Variants in TRAK1 observed in about 807,000 individuals in gnomAD.
TRAK1 encodes trafficking kinesin protein 1.
A neutral mutation model predicts 92.1 loss-of-function variants in TRAK1; 33 were observed. The ratio of observed to expected loss-of-function variants is 0.36; its 90% confidence interval spans 0.27 to 0.48. The LOEUF is 0.48. Ranked by LOEUF, TRAK1 falls within the 20% of genes least tolerant of loss-of-function variation. The pLI is 0.99. For synonymous variants in TRAK1, 521 were observed against 517.3 expected (o/e 1.01, Z -0.10); for missense variants, 1,123 against 1,257.9 (o/e 0.89, Z 1.62).
At chr3:42,039,740 T>G (rs1003965377) in intron 1 of TRAK1, among the ~76,000 whole-genome samples, 5 of 152,242 alleles carry the variant, frequency 3.3e-5, no homozygotes, top group African/African-American at 9.6e-5. Flanking sequence ...TATAACATGT[T>G]TTCATTTTGC....
chr3:42,177,777 C>G (rs1199768657), intron 3 of TRAK1, among the ~76,000 whole-genome samples: 1 of 152,170 alleles, frequency 6.6e-6, no homozygotes, highest in Non-Finnish European at 1.5e-5. Flanking sequence ...TTGTGTGTCT[C>G]TCTTCCCATG....
intron 1 of TRAK1, among the ~76,000 whole-genome samples, chr3:42,093,674 C>T (rs111794582): frequency 0.31 from 3,065 of 9,974 alleles, 100 homozygotes; most frequent in Middle Eastern, 0.42. Context: ...TCCCTCCCCT[C>T]CCCTCCCCTC....
At chr3:42,190,454 A>G (rs1218730914) in intron 6 of TRAK1, among the ~76,000 whole-genome samples, 1 of 152,144 alleles carries the variant, frequency 6.6e-6, no homozygotes, top group East Asian at 1.9e-4. Context: ...GTAAACCCAG[A>G]TTGACCAAGA....
chr3:42,174,493 T>C (rs1179153194), intron 2 of TRAK1, among the ~76,000 whole-genome samples: 1 of 151,784 alleles, frequency 6.6e-6, no homozygotes, highest in Non-Finnish European at 1.5e-5. Context: ...GATCCCTCTG[T>C]ATTATTTCTT....
rs573670073 is a variant in TRAK1 at position 42,202,966 on chromosome 3, A to C, written c.1744+214A>C. On this transcript the variant is annotated intron_variant, in intron 13 of 15. Transcript: ENST00000327628. This position sits in a 1 kb window ranked among gnomAD's most constrained non-coding sequence, Gnocchi z 6.1. ...CTGGCAGGTGTGACAATGCACACAT[A>C]GGCCATGAAACTCGCCGAGGAAAGA... 1 of 1,353,172 alleles carries C rather than the reference A, an allele frequency of 7.4e-7. No individual in the cohort carries two copies. Among genetic ancestry groups the C allele is most frequent in the South Asian group, 2.0e-5 (1 of 48,924 alleles). 83.8% of individuals were successfully genotyped at this position (1,353,172 alleles called of 1,614,324 possible).
In TRAK1 at chr3:42,200,976, A is replaced by G. The variant is rs753235494; in HGVS notation, c.1349A>G (p.Tyr450Cys). The G allele has an allele frequency of 1.1e-5, 18 of 1,614,062 alleles. No homozygotes were observed. The Admixed American group carries it at 2.3e-4, about 21-fold the overall frequency. Residue 450 changes from tyrosine (Y) to cysteine (C), a missense_variant, in exon 12 of 16, where the codon TAC (tyrosine) becomes TGC (cysteine). Tyr to Cys is a radical substitution (Grantham distance 194). This residue lies in a region of TRAK1 where 686 missense variants were observed against 747.6 expected (regional missense o/e 0.92). Transcript: ENST00000327628. ...GTCAGCACCCCCCGGTCCAGCTTCT[A>G]CGGCAGCGACATAGGCAACGTCGTC... ...SCVSTPRSSF[Y>C]GSDIGNVVLD...
intron 1 of TRAK1, among the ~76,000 whole-genome samples, chr3:42,030,666 C>G (rs1702097368): frequency 9.0e-6 from 1 of 111,248 alleles, no homozygotes. Context: ...GAGGGAGACT[C>G]CATCTCAAAA....
At chr3:42,114,930 C>G (rs1708974216) in intron 1 of TRAK1, among the ~76,000 whole-genome samples, 2 of 152,118 alleles carry the variant, frequency 1.3e-5, no homozygotes, top group Admixed American at 1.3e-4. Context: ...CCAGGCTGAT[C>G]TCGAACTCCT....
At chr3:42,065,544 TCAGTTTGATATTAATCAGAC>T (rs1703640281) in intron 1 of TRAK1, among the ~76,000 whole-genome samples, 1 of 152,106 alleles carries the variant, frequency 6.6e-6, no homozygotes, top group Admixed American at 6.5e-5. Flanking sequence ...TAAAGGCTAT[TCAGTTTGATATTAATCAGAC>T]AATATCAAAC....
intron 1 of TRAK1, among the ~76,000 whole-genome samples, chr3:42,070,904 G>T (rs1013782501): frequency 1.3e-5 from 2 of 152,216 alleles, no homozygotes; most frequent in Admixed American, 6.5e-5. Context: ...TTTGCCAGGA[G>T]CTATTGTAAT....
At chr3:42,091,649 T>C in intron 1 of TRAK1, 89 bp downstream of exon 1, 1 of 1,312,280 alleles carries the variant, frequency 7.6e-7, no homozygotes, top group South Asian at 1.3e-5. Context: ...GCTGTCTCTC[T>C]CTTGCTCCGT....
intron 1 of TRAK1, among the ~76,000 whole-genome samples, chr3:42,023,377 G>A (rs1576101294): frequency 6.6e-6 from 1 of 152,096 alleles, no homozygotes; most frequent in Non-Finnish European, 1.5e-5. Flanking sequence ...GTCTGTAGAT[G>A]TTCCAAAGAG....
intron 1 of TRAK1, among the ~76,000 whole-genome samples, chr3:42,060,119 T>C (rs1340284585): frequency 6.6e-6 from 1 of 152,146 alleles, no homozygotes; most frequent in African/African-American, 2.4e-5. Flanking sequence ...TAGAAGGTTT[T>C]CAAGAAATCC....
chr3:42,065,652 CAG>C (rs1326164665), intron 1 of TRAK1, among the ~76,000 whole-genome samples: 2 of 152,016 alleles, frequency 1.3e-5, no homozygotes, highest in Admixed American at 6.6e-5. Flanking sequence ...TTTTAAGAAA[CAG>C]GGTCTCATTT....
At chr3:42,102,359 C>T (rs575404216) in intron 1 of TRAK1, among the ~76,000 whole-genome samples, 2 of 152,322 alleles carry the variant, frequency 1.3e-5, no homozygotes, top group Non-Finnish European at 2.9e-5. Context: ...CTTCTTTTAC[C>T]TTGGGTTTTC....
intron 1 of TRAK1, among the ~76,000 whole-genome samples, chr3:42,052,555 A>G (rs1445290869): frequency 6.6e-6 from 1 of 152,166 alleles, no homozygotes; most frequent in Non-Finnish European, 1.5e-5. Flanking sequence ...TCAGCCTCTG[A>G]TTTAGGAAAG....
intron 1 of TRAK1, among the ~76,000 whole-genome samples, chr3:42,074,736 T>C (rs1704077338): frequency 6.6e-6 from 1 of 152,066 alleles, no homozygotes; most frequent in African/African-American, 2.4e-5. Flanking sequence ...ATAGGTTTAT[T>C]ACATGGGTAA....
chr3:42,094,416 G>A (rs369341139), intron 1 of TRAK1, among the ~76,000 whole-genome samples: 1 of 152,190 alleles, frequency 6.6e-6, no homozygotes, highest in African/African-American at 2.4e-5. Flanking sequence ...CTGTCACATA[G>A]GCTGGAGTGC....
At chr3:42,084,814 T>TC (rs144077510), upstream of TRAK1, among the ~76,000 whole-genome samples, 7,942 of 151,600 alleles carry the variant, frequency 0.052, 702 homozygotes, top group African/African-American at 0.18. Context: ...TTTTTTTTTT[T>TC]CCTTATGCCA....
Sources: allele counts gnomAD v4.1 joint callset (sites outside exome capture counted in the v4.1 genomes callset), GRCh38; gene constraint gnomAD v4.1.1; regional missense constraint gnomAD v4.1.1; non-coding constraint Gnocchi (gnomAD v3.1); transcripts MANE v1.5; gene names NCBI Gene and HGNC (gene_info 2026-07-23, HGNC 2026-07-21).